Variants in RBP5 observed in about 807,000 individuals in gnomAD.
RBP5 encodes retinol-binding protein 5.
RBP5 carries 12 observed loss-of-function variants against 17.8 expected under a neutral mutation model. The observed-to-expected ratio is 0.67, with a 90% CI of 0.43 to 1.09. RBP5 has a LOEUF of 1.09. Among genes scored for constraint, RBP5 ranks in the 50% least tolerant of loss-of-function variants. The probability of loss-of-function intolerance (pLI) is 0.00; values close to 1 mark genes in which losing one functional copy is unlikely to be tolerated. For synonymous variants in RBP5, 64 were observed against 68.1 expected, an observed-to-expected ratio of 0.94 and a Z score of 0.30; for missense variants, 172 against 169.4, an observed-to-expected ratio of 1.02 and a Z score of -0.09.
chr12:7,127,545 T>C lies in RBP5; in HGVS notation c.252+695A>G. The C allele has an allele frequency of 4.7e-6, 3 of 637,810 alleles. 1 individual carries two copies. The South Asian group carries it at 5.2e-5, about 11-fold the overall frequency. The allele number at this position is 637,810 out of a possible 1,614,324, so 39.5% of individuals were successfully genotyped here. A position where few individuals can be genotyped will look rare whatever the true frequency, so the allele number is the denominator to read the frequency against. On this transcript the variant is annotated intron_variant, in intron 2 of 3. Transcript: ENST00000266560. ...TTTTATTTGTATCATTTTGTATTGT[T>C]ATTTTTTATTTTTATTTTTCCCAAA...
In RBP5 at chr12:7,124,566, G is replaced by C; in HGVS notation, c.354+63C>G. The C allele has an allele frequency of 4.4e-6, 4 of 919,118 alleles. No individual in the cohort carries two copies. Among genetic ancestry groups the C allele is most frequent in the Non-Finnish European group, 7.2e-6 (4 of 558,700 alleles). The allele number at this position is 919,118 out of a possible 1,614,324, so 56.9% of individuals were successfully genotyped here. ...AAGAGTGGTGGACCTATCTGGTTTG[G>C]ACAAGGGGATGCCTTATAGCTGGAG... On this transcript the variant is annotated intron_variant, in intron 3 of 3. Coordinates refer to ENST00000266560, the MANE Select transcript of RBP5 (RefSeq NM_031491.4). The surrounding 1 kb of genome is among the most constrained non-coding windows in gnomAD (Gnocchi z 5.3).
intron 3 of RBP5, chr12:7,118,411 A>G (rs1470446305): frequency 1.3e-5 from 2 of 152,148 alleles, no homozygotes; most frequent in African/African-American, 4.8e-5. Context: ...AAGTGAAAGA[A>G]TTCGCCTGAG....
chr12:7,124,142 C>G lies in RBP5; in HGVS notation c.387G>C (p.Gln129His). The G allele has an allele frequency of 6.2e-7, 1 of 1,614,100 alleles. No homozygotes were observed. Among genetic ancestry groups the G allele is most frequent in the Non-Finnish European group, 8.5e-7 (1 of 1,180,012 alleles). The change falls in exon 4 of 4, where the codon CAG (glutamine) becomes CAC (histidine). Residue 129 changes from glutamine (Q) to histidine (H), a missense_variant. Gln to His is a conservative substitution (Grantham distance 24). Transcript: ENST00000266560. The surrounding 1 kb of genome is among the most constrained non-coding windows in gnomAD (Gnocchi z 5.3). ...CCGGCTATCTGACCTTCCTGAAGAC[C>G]TGCTCGCACACTGCATCCCTTGCAG... ...ELTARDAVCEQVFRKVR is the reference protein window; with the variant it reads ...ELTARDAVCEHVFRKVR
At position 7,128,707 on chromosome 12, in the gene RBP5, G is replaced by A. The variant is rs76498663; in HGVS notation, c.69C>T (p.Ala23=). 1,871 of 1,599,666 alleles carry A rather than the reference G, an allele frequency of 1.2e-3. 29 individuals carry two copies. In the East Asian group the frequency reaches 0.036, roughly 31 times the overall value. ...SQKNMEDYLQ[A]LNISLAVRKI... The stretch of plus-strand genomic sequence containing the variant: ...CTGGGAGGGCGAGGCCATTACTTAG[G>A]GCTTGCAGGTAGTCCTCCATGTTCT... The change falls in exon 1 of 4, where the codon GCC becomes GCT. Residue 23 remains alanine, a synonymous_variant. Coordinates refer to ENST00000266560, the MANE Select transcript of RBP5 (RefSeq NM_031491.4). The surrounding 1 kb of genome is among the most constrained non-coding windows in gnomAD (Gnocchi z 5.3).
rs564959660 is a variant in RBP5 at position 7,124,074 on chromosome 12, G to C, written c.*47C>G. ...TGGGCTTGAAGGGGGCACAACAAGA[G>C]CGTCTGTGAGCTGGTGCTGTCTGGA... On this transcript the variant is annotated 3_prime_UTR_variant, in exon 4 of 4. Transcript: ENST00000266560. This position sits in a 1 kb window ranked among gnomAD's most constrained non-coding sequence, Gnocchi z 5.3. The C allele has an allele frequency of 1.2e-5, 19 of 1,579,648 alleles. No individual in the cohort carries two copies. The highest frequency in any genetic ancestry group is 1.7e-5 in the Non-Finnish European group (19 of 1,148,684).
chr12:7,125,771 G>A (rs1208315890), intron 2 of RBP5, among the ~76,000 whole-genome samples: 2 of 152,206 alleles, frequency 1.3e-5, no homozygotes, highest in Admixed American at 6.5e-5. Flanking sequence ...ATGTGGTGGA[G>A]GCAATTGAAG....
chr12:7,126,723 G>A (rs759662424), intron 2 of RBP5, among the ~76,000 whole-genome samples: 1 of 152,218 alleles, frequency 6.6e-6, no homozygotes, highest in South Asian at 2.1e-4. Context: ...AATGGAAATT[G>A]GTTCCAGGAC....
At chr12:7,125,733 A>C (rs1470502776) in intron 2 of RBP5, among the ~76,000 whole-genome samples, 2 of 152,260 alleles carry the variant, frequency 1.3e-5, no homozygotes, top group African/African-American at 4.8e-5. Flanking sequence ...AAAGGCAATT[A>C]GTTCTGAAGG....
In RBP5 at chr12:7,128,810, C is replaced by CA. The variant is rs766022955; in HGVS notation, c.-36dup. 2.3e-5 allele frequency: 35 copies of CA among 1,533,742 alleles called. No individual in the cohort carries two copies. The African/African-American group carries it at 4.2e-4, about 19-fold the overall frequency. On this transcript the variant is annotated 5_prime_UTR_variant, in exon 1 of 4. Coordinates refer to ENST00000266560, the MANE Select transcript of RBP5 (RefSeq NM_031491.4). The surrounding 1 kb of genome is among the most constrained non-coding windows in gnomAD (Gnocchi z 5.3). ...GAAGGTTTCAGGAGAATGCAGGAGACAGGGTGAGGAAGGAGGGGGTGTTGT... is the reference window on the plus strand; with the variant it reads ...GAAGGTTTCAGGAGAATGCAGGAGACAAGGGTGAGGAAGGAGGGGGTGTTGT...
At chr12:7,127,543 G>T (rs1017997888) in intron 2 of RBP5, 2 of 637,130 alleles carry the variant, frequency 3.1e-6, no homozygotes, top group Non-Finnish European at 5.6e-6. Context: ...ATTTTGTATT[G>T]TTATTTTTTA....
At position 7,128,179 on chromosome 12, in the gene RBP5, T is replaced by G. The variant is rs4883262; in HGVS notation, c.252+61A>C. 1.4e-5 allele frequency: 20 copies of G among 1,471,250 alleles called. No individual in the cohort carries two copies. Among genetic ancestry groups the G allele is most frequent in the Middle Eastern group, 1.8e-4 (1 of 5,618 alleles). 91.1% of individuals were successfully genotyped at this position (1,471,250 alleles called of 1,614,324 possible). ...GGGAAGGTCACTTTGTTTTGCCCCA[T>G]GTTGTTAGGAGTCTCCTGTGATGCC... On this transcript the variant is annotated intron_variant, in intron 2 of 3. Coordinates refer to ENST00000266560, the MANE Select transcript of RBP5 (RefSeq NM_031491.4). The surrounding 1 kb of genome is among the most constrained non-coding windows in gnomAD (Gnocchi z 5.3).
Position 7,128,296 on chromosome 12 carries a change from C to G in RBP5, c.196G>C (p.Asp66His). The change falls in exon 2 of 4, where the codon GAT (aspartate) becomes CAT (histidine). Residue 66 changes from aspartate to histidine, a missense_variant. By Grantham distance (81) the Asp-to-His change is moderately conservative. Transcript: ENST00000266560. This position sits in a 1 kb window ranked among gnomAD's most constrained non-coding sequence, Gnocchi z 5.3. The stretch of plus-strand genomic sequence containing the variant: ...TCCTCCTCAAACTCCACTCCCACAT[C>G]AAACTGCACAGTGTAGTTTCGGAAG... ...STFRNYTVQFDVGVEFEEDLR... is the reference protein window; with the variant it reads ...STFRNYTVQFHVGVEFEEDLR... 3.7e-6 allele frequency: 6 copies of G among 1,614,240 alleles called. No homozygotes were observed. The highest frequency in any genetic ancestry group is 1.7e-4 in the Middle Eastern group (1 of 6,058).
intron 2 of RBP5, chr12:7,127,529 T>C (rs766732932): frequency 4.1e-4 from 256 of 622,452 alleles, no homozygotes; most frequent in Non-Finnish European, 6.4e-4. Context: ...TTTTTATTTG[T>C]ATCATTTTGT....
rs1325580248 is a variant in RBP5 at position 7,123,874 on chromosome 12, T to C, written c.*247A>G. 4 of 486,484 alleles carry C rather than the reference T, an allele frequency of 8.2e-6. No individual in the cohort carries two copies. The highest frequency in any genetic ancestry group is 1.9e-5 in the African/African-American group (1 of 52,008). 30.1% of individuals were successfully genotyped at this position (486,484 alleles called of 1,614,324 possible). A position where few individuals can be genotyped will look rare whatever the true frequency, so the allele number is the denominator to read the frequency against. ...GGGGCTCCTTCCCTTTGCCTGCTTC[T>C]TTCATTTGGGACGCCAGACCTTGAC... On this transcript the variant is annotated 3_prime_UTR_variant, in exon 4 of 4. Coordinates refer to ENST00000266560, the MANE Select transcript of RBP5 (RefSeq NM_031491.4).
rs998227502 is a variant in RBP5, at chr12:7,124,312, A to G, written c.355-138T>C. 43 of 753,274 alleles carry G rather than the reference A, an allele frequency of 5.7e-5. No homozygotes were observed. In the South Asian group the frequency reaches 6.4e-4, roughly 11 times the overall value. The allele number at this position is 753,274 out of a possible 1,614,324, so 46.7% of individuals were successfully genotyped here. The stretch of plus-strand genomic sequence containing the variant: ...TGTTTGATGTATGGGCAATTGTATC[A>G]TTATTCCACATCCTCAACTTTCCAC... On this transcript the variant is annotated intron_variant, in intron 3 of 3. Coordinates refer to ENST00000266560, the MANE Select transcript of RBP5 (RefSeq NM_031491.4). The surrounding 1 kb of genome is among the most constrained non-coding windows in gnomAD (Gnocchi z 5.3).
Position 7,126,510 on chromosome 12 carries a change from GGTGTGTGTGTGTGTGTGTGTGT to G in RBP5, c.252+1708_252+1729del, listed in dbSNP as rs780320410. ...TAGATGTGGTGGTGGTGGTGGTGGTGGTGTGTGTGTGTGTGTGTGTGTGTGTGTGTGTGTGTGTGTGTGTGTG... is the reference window on the plus strand; with the variant it reads ...TAGATGTGGTGGTGGTGGTGGTGGTGGTGTGTGTGTGTGTGTGTGTGTGTG... On this transcript the variant is annotated intron_variant, in intron 2 of 3. Coordinates refer to ENST00000266560, the MANE Select transcript of RBP5 (RefSeq NM_031491.4). 1.6e-4 allele frequency among the ~76,000 whole-genome samples: 21 copies of G among 131,120 alleles called. No homozygotes were observed. The East Asian group carries it at 2.8e-3, about 17-fold the overall frequency. 86.0% of individuals were successfully genotyped at this position (131,120 alleles called of 152,430 possible).
chr12:7,127,542 T>C (rs1315841660), intron 2 of RBP5: 1 of 636,358 alleles, frequency 1.6e-6, no homozygotes, highest in Non-Finnish European at 2.8e-6. Flanking sequence ...CATTTTGTAT[T>C]GTTATTTTTT....
Position 7,124,201 on chromosome 12 carries a change from A to C in RBP5, c.355-27T>G, listed in dbSNP as rs924291989. 1 of 1,611,382 alleles carries C rather than the reference A, an allele frequency of 6.2e-7. No homozygotes were observed. Among genetic ancestry groups the C allele is most frequent in the African/African-American group, 1.3e-5 (1 of 74,848 alleles). On this transcript the variant is annotated intron_variant, in intron 3 of 3. Transcript: ENST00000266560. The surrounding 1 kb of genome is among the most constrained non-coding windows in gnomAD (Gnocchi z 5.3). The stretch of plus-strand genomic sequence containing the variant: ...TGGGGAGAGAGGGGAAGTGAGGGGG[A>C]GAGAGAAAGAGGGCGTTTGCCAGCC...
chr12:7,121,203 C>T (rs958091452), downstream of RBP5, among the ~76,000 whole-genome samples: 1 of 152,022 alleles, frequency 6.6e-6, no homozygotes, highest in African/African-American at 2.4e-5. Flanking sequence ...GGATACCAGG[C>T]CTCTTACTTG....
Sources: allele counts gnomAD v4.1 joint callset (sites outside exome capture counted in the v4.1 genomes callset), GRCh38; gene constraint gnomAD v4.1.1; non-coding constraint Gnocchi (gnomAD v3.1); transcripts MANE v1.5; gene names NCBI Gene and HGNC (gene_info 2026-07-23, HGNC 2026-07-21).